The following PRRC2B variants were observed in gnomAD, a reference collection of about 807,000 sequenced individuals.
PRRC2B encodes the protein proline rich coiled-coil 2B.
Under a neutral mutation model 242.3 loss-of-function variants are expected in PRRC2B, and 68 were observed. The ratio of observed to expected loss-of-function variants is 0.28; its 90% CI spans 0.23 to 0.34. PRRC2B has a LOEUF of 0.34. PRRC2B is among the 10% of genes least tolerant of loss of function. PRRC2B has a pLI of 1.00. For synonymous variants in PRRC2B, 1,228 were observed against 1,173.6 expected (o/e 1.05, Z -0.95); for missense variants, 2,835 against 2,954.8 (o/e 0.96, Z 0.94).
intron 29 of PRRC2B, among the ~76,000 whole-genome samples, chr9:131,491,792 T>C (rs1564303476): frequency 1.3e-5 from 2 of 152,162 alleles, no homozygotes; most frequent in Non-Finnish European, 2.9e-5. Context: ...TCAGCATTCC[T>C]CCCCAGCTCC....
rs1943348726 is a variant in PRRC2B at position 131,464,917 on chromosome 9, A to G, written c.1559A>G (p.Glu520Gly). 1 of 1,613,278 alleles carries G rather than the reference A, an allele frequency of 6.2e-7. No homozygotes were observed. The highest frequency in any genetic ancestry group is 1.3e-5 in the African/African-American group (1 of 74,748). ...GAAGAGGAGCGCCGAGCCCGGGAGGAGAGGCTGGCCGCCTGTGCTGCCAAA... is the reference window on the plus strand; with the variant it reads ...GAAGAGGAGCGCCGAGCCCGGGAGGGGAGGCTGGCCGCCTGTGCTGCCAAA... ...REEEERRAREERLAACAAKLK... is the reference protein window; with the variant it reads ...REEEERRAREGRLAACAAKLK... Residue 520 changes from glutamate to glycine, a missense_variant, in exon 12 of 32, where the codon GAG becomes GGG. By Grantham distance (98) the Glu-to-Gly change is moderately conservative. Transcript: ENST00000683519.
intron 1 of PRRC2B, among the ~76,000 whole-genome samples, chr9:131,378,278 C>T (rs191926597): frequency 1.4e-3 from 210 of 148,252 alleles, no homozygotes; most frequent in African/African-American, 5.0e-3. Context: ...CATTGCATTC[C>T]AGCCCGGACG....
intron 1 of PRRC2B, among the ~76,000 whole-genome samples, chr9:131,422,324 A>T (rs1007906946): frequency 3.3e-5 from 5 of 152,182 alleles, no homozygotes; most frequent in Non-Finnish European, 5.9e-5. Flanking sequence ...AAGCACTGGG[A>T]TTACAGGCGT....
rs1468843619 is a variant in PRRC2B at position 131,474,688 on chromosome 9, C to T, written c.2559C>T (p.Ser853=). The T allele has an allele frequency of 6.2e-7, 1 of 1,612,832 alleles. No homozygotes were observed. Among genetic ancestry groups the T allele is most frequent in the East Asian group, 2.2e-5 (1 of 44,868 alleles). The change falls in exon 16 of 32, where the codon TCC becomes TCT. Residue 853 remains serine (S), a synonymous_variant. Coordinates refer to ENST00000683519, the MANE Select transcript of PRRC2B (RefSeq NM_013318.4). ...PGGHTQNLRC[S]PLEPDFVPDE... is the part of the protein sequence containing the mutation. The stretch of plus-strand genomic sequence containing the variant: ...GTCACACCCAAAACCTCAGGTGTTC[C>T]CCATTGGAGCCTGACTTTGTCCCAG...
rs551813472 is a variant in PRRC2B at position 131,446,034 on chromosome 9, C to G, written c.614-367C>G. Among the ~76,000 whole-genome samples, 2 of 152,298 alleles carry G rather than the reference C, an allele frequency of 1.3e-5. No individual in the cohort carries two copies. The highest frequency in any genetic ancestry group is 1.3e-4 in the Admixed American group (2 of 15,304). On this transcript the variant is annotated intron_variant, in intron 6 of 31. Coordinates refer to ENST00000683519, the MANE Select transcript of PRRC2B (RefSeq NM_013318.4). This position sits in a 1 kb window ranked among gnomAD's most constrained non-coding sequence, Gnocchi z 4.1. Reference sequence around the variant, plus strand: ...TTTAATGTGTAGTCCAGTGCTGACCCTAAGTGGGCTGGTCAGTGTTTGTTG... The same window carrying G: ...TTTAATGTGTAGTCCAGTGCTGACCGTAAGTGGGCTGGTCAGTGTTTGTTG...
intron 18 of PRRC2B, 119 bp downstream of exon 18, chr9:131,478,738 AAGG>A: frequency 1.5e-6 from 1 of 687,844 alleles, no homozygotes; most frequent in South Asian, 1.9e-5. Flanking sequence ...GAGAGGAAGA[AAGG>A]AGTATTTAGC....
At chr9:131,459,452 T>G in intron 11 of PRRC2B, 96 bp downstream of exon 11, 1 of 1,016,480 alleles carries the variant, frequency 9.8e-7, no homozygotes, top group Middle Eastern at 3.2e-4. Context: ...CTTTTTCATT[T>G]TTATATTTCT....
chr9:131,450,086 C>G (rs905234259), intron 9 of PRRC2B, among the ~76,000 whole-genome samples: 4 of 152,144 alleles, frequency 2.6e-5, no homozygotes, highest in Non-Finnish European at 4.4e-5. Flanking sequence ...CATACCAGTA[C>G]CACACTGTGG....
At position 131,496,340 on chromosome 9, in the gene PRRC2B, A is replaced by G. The variant is rs1034153645; in HGVS notation, c.*466A>G. ...TACAAAGGGGAAAGGAAAAGAAAAC[A>G]AAAACGCAAGCTCCATGTGTATAGC... is the stretch of plus-strand genomic sequence containing the variant. On this transcript the variant is annotated 3_prime_UTR_variant, in exon 32 of 32. Coordinates refer to ENST00000683519, the MANE Select transcript of PRRC2B (RefSeq NM_013318.4). The G allele has an allele frequency of 6.3e-6, 1 of 159,516 alleles. No individual in the cohort carries two copies. Among genetic ancestry groups the G allele is most frequent in the Non-Finnish European group, 1.4e-5 (1 of 72,222 alleles). 9.9% of individuals were successfully genotyped at this position (159,516 alleles called of 1,614,324 possible).
intron 1 of PRRC2B, among the ~76,000 whole-genome samples, chr9:131,380,304 ACG>A (rs1202176372): frequency 1.7e-5 from 2 of 119,454 alleles, no homozygotes; most frequent in African/African-American, 3.1e-5. Context: ...GGGCACGGGC[ACG>A]GTGGCTCACA....
Position 131,485,117 on chromosome 9 carries a change from T to TAGC in PRRC2B, c.5737_5739dup (p.Ala1913dup). 1 of 1,594,792 alleles carries TAGC rather than the reference T, an allele frequency of 6.3e-7. No homozygotes were observed. Among genetic ancestry groups the TAGC allele is most frequent in the Non-Finnish European group, 8.6e-7 (1 of 1,169,476 alleles). Reference sequence around the variant, plus strand: ...ATGCCACCCATGCCTGTGGCCTCTGTAGCACCTTCTGCTTCTATGCCAGGT... The same window carrying TAGC: ...ATGCCACCCATGCCTGTGGCCTCTGTAGCAGCACCTTCTGCTTCTATGCCAGGT... On this transcript the variant is annotated inframe_insertion, in exon 25 of 32. Coordinates refer to ENST00000683519, the MANE Select transcript of PRRC2B (RefSeq NM_013318.4).
chr9:131,488,436 G>A (rs890664679), intron 28 of PRRC2B, among the ~76,000 whole-genome samples: 3 of 152,016 alleles, frequency 2.0e-5, no homozygotes, highest in Admixed American at 6.5e-5. Context: ...GCTAATTTTT[G>A]TATTAGTAGA....
At chr9:131,460,280 C>T (rs1032499447) in intron 11 of PRRC2B, among the ~76,000 whole-genome samples, 7 of 152,248 alleles carry the variant, frequency 4.6e-5, no homozygotes, top group African/African-American at 1.4e-4. Context: ...CAGAATCACA[C>T]ACCTCTAGCC....
rs202115860 is a variant in PRRC2B, at chr9:131,447,789, G to A, written c.1105G>A (p.Asp369Asn). 8.1e-5 allele frequency: 130 copies of A among 1,612,798 alleles called. No individual in the cohort carries two copies. The East Asian group carries it at 1.9e-3, about 24-fold the overall frequency. ...KGLDDLDADA[D>N]DGWAGLHEEV... Reference sequence around the variant, plus strand: ...CCTTGACGATCTGGACGCCGATGCCGATGATGGCTGGGCAGGTGGGCAGAG... The same window carrying A: ...CCTTGACGATCTGGACGCCGATGCCAATGATGGCTGGGCAGGTGGGCAGAG... Residue 369 changes from aspartate (D) to asparagine (N), a missense_variant, in exon 9 of 32, where the codon GAT (aspartate) becomes AAT (asparagine). Physicochemically the swap from Asp to Asn is conservative, Grantham distance 23 (BLOSUM62 1). Around this residue, in one of 7 missense-constraint regions of PRRC2B, gnomAD observed 626 missense variants for 685.5 expected, o/e 0.91. Transcript: ENST00000683519.
chr9:131,487,368 T>A lies in PRRC2B; in HGVS notation c.5984+74T>A. 1 of 1,268,946 alleles carries A rather than the reference T, an allele frequency of 7.9e-7. No individual in the cohort carries two copies. The highest frequency in any genetic ancestry group is 1.0e-6 in the Non-Finnish European group (1 of 959,994). The allele number at this position is 1,268,946 out of a possible 1,614,324, so 78.6% of individuals were successfully genotyped here. On this transcript the variant is annotated intron_variant, in intron 27 of 31. Transcript: ENST00000683519. The surrounding 1 kb of genome is among the most constrained non-coding windows in gnomAD (Gnocchi z 5.3). ...TTGGCCCTGTGTGCAGCCTTCGTCC[T>A]GCAGCTGTTTGGTGCTTGTCTGCTT...
Position 131,468,788 on chromosome 9 carries a change from C to T in PRRC2B, c.1911+1035C>T, listed in dbSNP as rs147716911. ...AAGGACTTAAGGCTTTTCCCAGTATCTCACTTAATTACCTTTAAACTTCTC... is the reference window on the plus strand; with the variant it reads ...AAGGACTTAAGGCTTTTCCCAGTATTTCACTTAATTACCTTTAAACTTCTC... On this transcript the variant is annotated intron_variant, in intron 13 of 31. Transcript: ENST00000683519. Among the ~76,000 whole-genome samples, 251 of 152,312 alleles carry T rather than the reference C, an allele frequency of 1.6e-3. 1 individual carries two copies. Among genetic ancestry groups the T allele is most frequent in the African/African-American group, 5.8e-3 (243 of 41,566 alleles).
chr9:131,495,705 G>T, intron 31 of PRRC2B, 35 bp from the exon 32 acceptor site: 1 of 1,588,844 alleles, frequency 6.3e-7, no homozygotes. Context: ...TTCAGCGTCA[G>T]GGTCACTTTG....
chr9:131,383,806 A>G (rs1033705418), intron 1 of PRRC2B, among the ~76,000 whole-genome samples: 1 of 151,574 alleles, frequency 6.6e-6, no homozygotes, highest in Non-Finnish European at 1.5e-5. Flanking sequence ...TATTTTTAGT[A>G]GAGACAGGGT....
At chr9:131,381,709 G>A (rs924008473) in intron 1 of PRRC2B, among the ~76,000 whole-genome samples, 2 of 151,004 alleles carry the variant, frequency 1.3e-5, no homozygotes, top group Admixed American at 6.6e-5. Flanking sequence ...GTGAGCCACC[G>A]CGCCTGGCCA....
Sources: allele counts gnomAD v4.1 joint callset (sites outside exome capture counted in the v4.1 genomes callset), GRCh38; gene constraint gnomAD v4.1.1; regional missense constraint gnomAD v4.1.1; non-coding constraint Gnocchi (gnomAD v3.1); transcripts MANE v1.5; gene names NCBI Gene and HGNC (gene_info 2026-07-23, HGNC 2026-07-21).